The following SRPX2 variants were observed in gnomAD, a reference collection of about 807,000 sequenced individuals.
SRPX2 encodes the protein sushi repeat containing protein X-linked 2.
Under a neutral mutation model 45.3 loss-of-function variants are expected in SRPX2, and 26 were observed. The ratio of observed to expected loss-of-function variants is 0.57; its 90% CI spans 0.42 to 0.80. The LOEUF (loss-of-function observed/expected upper bound fraction) is 0.80. Among genes scored for constraint, SRPX2 ranks in the 30% least tolerant of loss-of-function variants. SRPX2 has a pLI of 0.00. For synonymous variants in SRPX2, 125 were observed against 143.7 expected (o/e 0.87, Z 0.93); for missense variants, 355 against 399.8 (o/e 0.89, Z 0.95).
rs1219280555 is a variant in SRPX2, at chrX:100,669,062, G to C, written c.1096-186G>C. Among the ~76,000 whole-genome samples the C allele has an allele frequency of 2.7e-5, 3 of 111,066 alleles. No homozygotes were observed. In the Admixed American group the frequency reaches 2.9e-4, roughly 11 times the overall value. Reference sequence around the variant, plus strand: ...AGTAGAATGAAGGAAACACTGTTGGGGCAAGTACTTCAGGAATGACAGAGG... The same window carrying C: ...AGTAGAATGAAGGAAACACTGTTGGCGCAAGTACTTCAGGAATGACAGAGG... On this transcript the variant is annotated intron_variant, in intron 9 of 10. Transcript: ENST00000373004.
intron 3 of SRPX2, among the ~76,000 whole-genome samples, chrX:100,651,609 C>T (rs1399475065): frequency 3.7e-5 from 4 of 109,508 alleles, no homozygotes; most frequent in Non-Finnish European, 7.6e-5. Context: ...GGTGAAACCT[C>T]ATCTCCAACA....
At chrX:100,662,875 C>T (rs2083192706) in intron 4 of SRPX2, among the ~76,000 whole-genome samples, 1 of 112,135 alleles carries the variant, frequency 8.9e-6, no homozygotes, top group African/African-American at 3.2e-5. Context: ...ATCACGTCCC[C>T]CTTCAGCTTC....
chrX:100,670,815 A>G lies in SRPX2; in HGVS notation c.1226A>G (p.Gln409Arg), dbSNP rs1218846156. Residue 409 changes from glutamine (Q) to arginine (R), a missense_variant, in exon 11 of 11, where the codon CAG becomes CGG. By Grantham distance (43) the Gln-to-Arg change is conservative. Coordinates refer to ENST00000373004, the MANE Select transcript of SRPX2 (RefSeq NM_014467.3). ...TGGGCTGTTCTCTCTAGGCAATTTC[A>G]GCGCCTCACTCGCTCCTACTTCAAC... ...ANIIEELRQF[Q>R]RLTRSYFNMV... 1 of 1,209,261 alleles carries G rather than the reference A, an allele frequency of 8.3e-7. No homozygotes were observed. Among genetic ancestry groups the G allele is most frequent in the African/African-American group, 1.8e-5 (1 of 56,832 alleles).
At position 100,667,416 on chromosome X, in the gene SRPX2, C is replaced by T; in HGVS notation, c.1095+9C>T. ...AGATCTCTATGCTACAGGTAAGGCC[C>T]ACTCCCCTAAAGAGGGCTTAGCTCC... On this transcript the variant is annotated intron_variant, in intron 9 of 10. Transcript: ENST00000373004. 8.3e-7 allele frequency: 1 copy of T among 1,211,710 alleles called. No individual in the cohort carries two copies. The highest frequency in any genetic ancestry group is 1.1e-6 in the Non-Finnish European group (1 of 895,285).
At chrX:100,647,730 C>T (rs981451130) in intron 2 of SRPX2, among the ~76,000 whole-genome samples, 1 of 112,727 alleles carries the variant, frequency 8.9e-6, no homozygotes, top group African/African-American at 3.2e-5. Flanking sequence ...TTTCCCAAAA[C>T]AGAAGCCTGA....
At position 100,667,276 on chromosome X, in the gene SRPX2, A is replaced by G. The variant is rs376447241; in HGVS notation, c.964A>G (p.Met322Val). The part of the protein sequence containing the change: ...WSGSPPICAP[M>V]KINVNVNSAA... ...CTGGTCACCTGCTTCTGCCCTAGCT[A>G]TGAAGATTAACGTCAACGTCAACTC... The change falls in exon 9 of 11, where the codon ATG (methionine) becomes GTG (valine). Residue 322 changes from methionine to valine, a missense_variant and splice_region_variant. By Grantham distance (21) the Met-to-Val change is conservative (BLOSUM62 1). Coordinates refer to ENST00000373004, the MANE Select transcript of SRPX2 (RefSeq NM_014467.3). 2.7e-5 allele frequency: 33 copies of G among 1,209,804 alleles called. No individual in the cohort carries two copies. The highest frequency in any genetic ancestry group is 8.8e-5 in the African/African-American group (5 of 57,121).
intron 1 of SRPX2, 164 bp from the exon 2 acceptor site, chrX:100,646,029 A>G (rs956154278): frequency 3.1e-6 from 1 of 327,427 alleles, no homozygotes; most frequent in Non-Finnish European, 5.5e-6. Flanking sequence ...TGATCCCACC[A>G]GAGTCAGATG....
intron 2 of SRPX2, among the ~76,000 whole-genome samples, chrX:100,647,077 T>C (rs2083137720): frequency 9.0e-6 from 1 of 111,222 alleles, no homozygotes; most frequent in Non-Finnish European, 1.9e-5. Flanking sequence ...ACAAACTCAG[T>C]GAGAAGAGGG....
At chrX:100,656,777 C>A (rs1480373098) in intron 3 of SRPX2, among the ~76,000 whole-genome samples, 1 of 112,041 alleles carries the variant, frequency 8.9e-6, no homozygotes, top group Non-Finnish European at 1.9e-5. Context: ...CTGTGATAAA[C>A]ACACGAATGC....
intron 9 of SRPX2, among the ~76,000 whole-genome samples, chrX:100,668,560 G>A (rs184553013): frequency 1.8e-5 from 2 of 111,200 alleles, no homozygotes; most frequent in African/African-American, 6.5e-5. Flanking sequence ...GAGTATTCAA[G>A]GCCTCTTTAA....
At chrX:100,660,625 C>G (rs780609516) in intron 3 of SRPX2, among the ~76,000 whole-genome samples, 4 of 111,466 alleles carry the variant, frequency 3.6e-5, no homozygotes, top group African/African-American at 9.8e-5. Context: ...GTCAAGAGAT[C>G]GAGACCATTC....
chrX:100,650,755 A>C (rs1438711337), intron 2 of SRPX2, 30 bp from the exon 3 acceptor site: 2 of 1,172,240 alleles, frequency 1.7e-6, no homozygotes. Flanking sequence ...AAATCAAGAC[A>C]CCATTTTGAT....
intron 3 of SRPX2, among the ~76,000 whole-genome samples, chrX:100,659,790 T>TC (rs1460628991): frequency 2.9e-5 from 2 of 68,444 alleles, no homozygotes; most frequent in Non-Finnish European, 5.1e-5. Flanking sequence ...TTTTTTTTTT[T>TC]TCAAAGCTTT....
intron 3 of SRPX2, among the ~76,000 whole-genome samples, chrX:100,660,141 C>G (rs2083182659): frequency 9.0e-6 from 1 of 111,371 alleles, no homozygotes; most frequent in Admixed American, 9.6e-5. Flanking sequence ...TTGTATTATC[C>G]TTTAAATTTT....
At chrX:100,648,674 C>T (rs1352307321) in intron 2 of SRPX2, among the ~76,000 whole-genome samples, 2 of 112,449 alleles carry the variant, frequency 1.8e-5, no homozygotes, top group Non-Finnish European at 3.8e-5. Context: ...CAGCTACTTC[C>T]GCACCCTGAT....
rs925651872 is a variant in SRPX2 at position 100,672,231 on chromosome X, A to G, written c.*1244A>G. ...TCAATGGTGTGCCAGTGTCTGAAAGACAAGTGTTCTCTCCCTTGCTGCTGA... is the reference window on the plus strand; with the variant it reads ...TCAATGGTGTGCCAGTGTCTGAAAGGCAAGTGTTCTCTCCCTTGCTGCTGA... On this transcript the variant is annotated 3_prime_UTR_variant, in exon 11 of 11. Transcript: ENST00000373004. 10 of 112,279 alleles carry G rather than the reference A, an allele frequency of 8.9e-5. 1 individual carries two copies. Among genetic ancestry groups the G allele is most frequent in the African/African-American group, 3.2e-4 (10 of 30,898 alleles). The allele number at this position is 112,279 out of a possible 1,213,427, so 9.3% of individuals were successfully genotyped here.
In SRPX2 at chrX:100,670,946, G is replaced by T; in HGVS notation, c.1357G>T (p.Glu453Ter). The T allele has an allele frequency of 1.7e-6, 2 of 1,211,928 alleles. No individual in the cohort carries two copies. The highest frequency in any genetic ancestry group is 2.2e-6 in the Non-Finnish European group (2 of 895,582). ...TGATGACTACCTACTGAGCAATCAG[G>T]AGTTGACCCAGCGTCGGGAGCAAAG... is the stretch of plus-strand genomic sequence containing the variant. ...FIDDYLLSNQ[E>*]LTQRREQRDI... Residue 453 changes from glutamate (E) to a stop codon, truncating the protein, a stop_gained, in exon 11 of 11, where the codon GAG (glutamate) becomes TAG (stop). Coordinates refer to ENST00000373004, the MANE Select transcript of SRPX2 (RefSeq NM_014467.3). LOFTEE classifies it high-confidence loss of function.
rs973127825 is a variant in SRPX2 at position 100,647,479 on chromosome X, T to C, written c.82+1075T>C. ...AGGGGGTGAAGCACAAGGACTGACA[T>C]TGAGATGAAAAAATTCAAGTCAAGC... On this transcript the variant is annotated intron_variant, in intron 2 of 10. Coordinates refer to ENST00000373004, the MANE Select transcript of SRPX2 (RefSeq NM_014467.3). Among the ~76,000 whole-genome samples, 5 of 112,311 alleles carry C rather than the reference T, an allele frequency of 4.5e-5. No individual in the cohort carries two copies. In the South Asian group the frequency reaches 1.9e-3, roughly 42 times the overall value.
intron 3 of SRPX2, among the ~76,000 whole-genome samples, chrX:100,654,801 C>T (rs2083163592): frequency 9.0e-6 from 1 of 111,544 alleles, no homozygotes; most frequent in South Asian, 3.8e-4. Context: ...AAAGAACAAC[C>T]AAATCATTAT....
Sources: allele counts gnomAD v4.1 joint callset (sites outside exome capture counted in the v4.1 genomes callset), GRCh38; gene constraint gnomAD v4.1.1; transcripts MANE v1.5; gene names NCBI Gene and HGNC (gene_info 2026-07-23, HGNC 2026-07-21).